The following BACH2 variants were observed in gnomAD, a reference collection of about 807,000 sequenced individuals.
BACH2 encodes BACH transcriptional regulator 2, also known as transcription regulator protein BACH2.
In BACH2, 5 loss-of-function variants were observed where a neutral mutation model predicts 61.8. The ratio of observed to expected loss-of-function variants is 0.08; its 90% confidence interval spans 0.04 to 0.17. The LOEUF is 0.17. Among genes scored for constraint, BACH2 ranks in the 10% least tolerant of loss-of-function variants. The probability of loss-of-function intolerance (pLI) is 1.00; values close to 1 mark genes in which losing one functional copy is unlikely to be tolerated. For missense variants in BACH2, 824 were observed against 1,091.1 expected (o/e 0.76, Z 3.45); for synonymous variants, 446 against 440.1 (o/e 1.01, Z -0.17).
intron 4 of BACH2, among the ~76,000 whole-genome samples, chr6:90,182,865 A>G (rs1159639236): frequency 6.6e-6 from 1 of 152,190 alleles, no homozygotes; most frequent in Non-Finnish European, 1.5e-5. Context: ...GTTCTTTTGT[A>G]AGTTTATGGG....
chr6:90,138,104 T>A (rs12180004), intron 4 of BACH2, among the ~76,000 whole-genome samples: 91 of 151,640 alleles, frequency 6.0e-4, no homozygotes, highest in Middle Eastern at 3.4e-3. Flanking sequence ...TCTCTCTCTC[T>A]CCCTCTCTGA....
At chr6:89,967,095 G>A (rs970315314) in intron 6 of BACH2, among the ~76,000 whole-genome samples, 3 of 152,128 alleles carry the variant, frequency 2.0e-5, no homozygotes, top group Admixed American at 2.0e-4. Context: ...TTTCTGTGGG[G>A]CTGAAACACG....
intron 6 of BACH2, among the ~76,000 whole-genome samples, chr6:89,980,120 C>T (rs1050287059): frequency 1.3e-5 from 2 of 152,166 alleles, no homozygotes; most frequent in African/African-American, 2.4e-5. Flanking sequence ...CATGGTGAAA[C>T]CCCATCTCTA....
Position 90,009,983 on chromosome 6 carries a change from A to ATACAGTATCTG in BACH2, c.-12-1138_-12-1128dup, listed in dbSNP as rs202158241. 4.4e-3 allele frequency among the ~76,000 whole-genome samples: 672 copies of ATACAGTATCTG among 152,368 alleles called. 15 individuals carry two copies. The East Asian group carries it at 0.084, about 19-fold the overall frequency. ...CCTGGCCCCGCTGAGGTATTTTAAAATACAGTATCTGTAATTAATTTATAT... is the reference window on the plus strand; with the variant it reads ...CCTGGCCCCGCTGAGGTATTTTAAAATACAGTATCTGTACAGTATCTGTAATTAATTTATAT... On this transcript the variant is annotated intron_variant, in intron 5 of 8. Transcript: ENST00000257749.
chr6:90,293,110 A>C (rs575167653), intron 1 of BACH2, among the ~76,000 whole-genome samples: 2 of 152,338 alleles, frequency 1.3e-5, no homozygotes, highest in South Asian at 4.1e-4. Context: ...CTTATACCAA[A>C]TATGAGGTCC....
rs1380244419 is a variant in BACH2, at chr6:90,142,126, T to C, written c.-161-53017A>G. Reference sequence around the variant, plus strand: ...TCAAATGTTTCACATTCATCTTCAATGTCTTCATCATTGTTAGAACGTCTT... The same window carrying C: ...TCAAATGTTTCACATTCATCTTCAACGTCTTCATCATTGTTAGAACGTCTT... On this transcript the variant is annotated intron_variant, in intron 4 of 8. Coordinates refer to ENST00000257749, the MANE Select transcript of BACH2 (RefSeq NM_021813.4). 1.3e-5 allele frequency among the ~76,000 whole-genome samples: 2 copies of C among 152,232 alleles called. 1 individual carries two copies. The highest frequency in any genetic ancestry group is 2.9e-5 in the Non-Finnish European group (2 of 68,040).
intron 5 of BACH2, among the ~76,000 whole-genome samples, chr6:90,058,646 A>C (rs1242172801): frequency 6.6e-6 from 1 of 152,178 alleles, no homozygotes; most frequent in Non-Finnish European, 1.5e-5. Context: ...ATGGAACCAA[A>C]AAAGAGCCCG....
At chr6:90,206,410 C>T (rs532047335) in intron 4 of BACH2, among the ~76,000 whole-genome samples, 159 bp downstream of exon 4, 2 of 152,206 alleles carry the variant, frequency 1.3e-5, no homozygotes, top group Admixed American at 6.5e-5. Flanking sequence ...GCCACCAGCA[C>T]CTGTGACCCT....
intron 3 of BACH2, among the ~76,000 whole-genome samples, chr6:90,242,822 G>C (rs1770497089): frequency 6.6e-6 from 1 of 151,788 alleles, no homozygotes; most frequent in Non-Finnish European, 1.5e-5. Context: ...GAAAGATAAT[G>C]TGATCAAAAA....
chr6:89,947,822 C>T (rs922049157), intron 7 of BACH2, among the ~76,000 whole-genome samples: 11 of 152,064 alleles, frequency 7.2e-5, no homozygotes, highest in South Asian at 2.1e-4. Flanking sequence ...TCGCCCGCCT[C>T]GGCCTCCCAA....
chr6:90,035,318 C>T (rs530795953), intron 5 of BACH2, among the ~76,000 whole-genome samples: 1 of 152,174 alleles, frequency 6.6e-6, no homozygotes, highest in East Asian at 1.9e-4. Flanking sequence ...AAAAACCTAG[C>T]TAGAAATTTA....
At chr6:89,986,127 T>C (rs1776223775) in intron 6 of BACH2, among the ~76,000 whole-genome samples, 1 of 151,888 alleles carries the variant, frequency 6.6e-6, no homozygotes, top group African/African-American at 2.4e-5. Context: ...CTCAGCCCCC[T>C]GCCTGTGGAG....
chr6:89,990,820 T>C (rs769177618), intron 6 of BACH2, among the ~76,000 whole-genome samples: 23 of 152,224 alleles, frequency 1.5e-4, no homozygotes, highest in East Asian at 1.9e-4. Context: ...TCATCCCTAA[T>C]TGGGATATAA....
intron 2 of BACH2, among the ~76,000 whole-genome samples, chr6:90,265,585 G>T (rs1222701745): frequency 6.6e-6 from 1 of 152,186 alleles, no homozygotes; most frequent in Non-Finnish European, 1.5e-5. Flanking sequence ...CCACGCTGCA[G>T]AACAACTCAA....
chr6:90,044,474 T>C (rs967784259), intron 5 of BACH2, among the ~76,000 whole-genome samples: 1 of 151,608 alleles, frequency 6.6e-6, no homozygotes, highest in Non-Finnish European at 1.5e-5. Flanking sequence ...GAGGTAGGAG[T>C]TTGGGTTTTA....
Position 89,932,216 on chromosome 6 carries a change from T to G in BACH2, c.*192A>C. 5.5e-6 allele frequency: 4 copies of G among 731,822 alleles called. No homozygotes were observed. Among genetic ancestry groups the G allele is most frequent in the East Asian group, 5.2e-5 (2 of 38,252 alleles). 45.3% of individuals were successfully genotyped at this position (731,822 alleles called of 1,614,324 possible). ...CTTGCCTGGGCAAGGGGTAGCACCA[T>G]TGTGAAGGTAACTATCACTCCTGCT... On this transcript the variant is annotated 3_prime_UTR_variant, in exon 9 of 9. Transcript: ENST00000257749.
At chr6:90,195,595 C>T (rs866012911) in intron 4 of BACH2, among the ~76,000 whole-genome samples, 3 of 152,142 alleles carry the variant, frequency 2.0e-5, no homozygotes, top group Admixed American at 6.5e-5. Flanking sequence ...TAACAATCAG[C>T]GCACTTTGGG....
At chr6:90,121,633 T>G (rs1783629980) in intron 4 of BACH2, among the ~76,000 whole-genome samples, 2 of 152,050 alleles carry the variant, frequency 1.3e-5, no homozygotes, top group Non-Finnish European at 2.9e-5. Context: ...ACCTCCACCT[T>G]CCGGGCTCAA....
At chr6:90,017,167 C>A (rs1215478711) in intron 5 of BACH2, among the ~76,000 whole-genome samples, 1 of 152,052 alleles carries the variant, frequency 6.6e-6, no homozygotes, top group African/African-American at 2.4e-5. Context: ...TGCATTTGTC[C>A]CGTCGCTCAC....
Sources: allele counts gnomAD v4.1 joint callset (sites outside exome capture counted in the v4.1 genomes callset), GRCh38; gene constraint gnomAD v4.1.1; transcripts MANE v1.5; gene names NCBI Gene and HGNC (gene_info 2026-07-23, HGNC 2026-07-21).